Variants in METTL24 observed in about 807,000 individuals in gnomAD.
METTL24 encodes probable methyltransferase-like protein 24.
A neutral mutation model predicts 32.7 loss-of-function variants in METTL24; 29 were observed. The observed-to-expected ratio is 0.89, with a 90% CI of 0.66 to 1.21. METTL24 has a LOEUF of 1.21. METTL24 is among the 50% of genes most tolerant of loss of function. METTL24 has a pLI of 0.00. For synonymous variants in METTL24, 163 were observed against 179.5 expected (o/e 0.91, Z 0.73); for missense variants, 439 against 468.1 (o/e 0.94, Z 0.57).
At chr6:110,265,128 G>A (rs1037495541) in intron 4 of METTL24, among the ~76,000 whole-genome samples, 5 of 117,764 alleles carry the variant, frequency 4.2e-5, no homozygotes, top group African/African-American at 1.6e-4. Context: ...TAATAAAAAA[G>A]GAAAGAAAGA....
chr6:110,358,009 C>T lies in METTL24; in HGVS notation c.264G>A (p.Gly88=). ...AGCAGCCAGGCTCCGGCGTCCCGCTCCCGCCGCCCCCCGGCGGCGCCCGGC... is the reference window on the plus strand; with the variant it reads ...AGCAGCCAGGCTCCGGCGTCCCGCTTCCGCCGCCCCCCGGCGGCGCCCGGC... ...SGRRAPPGGG[G]SGTPEPGCCA... The change falls in exon 1 of 5, where the codon GGG becomes GGA. Residue 88 remains glycine (G), a synonymous_variant. Transcript: ENST00000338882. The T allele has an allele frequency of 8.7e-7, 1 of 1,154,562 alleles. No homozygotes were observed. Among genetic ancestry groups the T allele is most frequent in the Non-Finnish European group, 1.1e-6 (1 of 938,734 alleles). 71.5% of individuals were successfully genotyped at this position (1,154,562 alleles called of 1,614,324 possible).
At chr6:110,338,573 G>A (rs6568640) in intron 1 of METTL24, among the ~76,000 whole-genome samples, 118,690 of 152,158 alleles carry the variant, frequency 0.78, 46,429 homozygotes, top group African/African-American at 0.8. Flanking sequence ...TCAAATTAAA[G>A]TTAAAACCAG....
At chr6:110,250,339 C>G (rs1778255283) in intron 4 of METTL24, among the ~76,000 whole-genome samples, 1 of 151,888 alleles carries the variant, frequency 6.6e-6, no homozygotes, top group Admixed American at 6.6e-5. Flanking sequence ...TGATCTCTGC[C>G]TTCATCTTCA....
chr6:110,266,819 A>G (rs1179788096), intron 4 of METTL24, among the ~76,000 whole-genome samples: 1 of 152,220 alleles, frequency 6.6e-6, no homozygotes, highest in African/African-American at 2.4e-5. Context: ...GAAAGCATAG[A>G]TTATTTTTCT....
intron 4 of METTL24, among the ~76,000 whole-genome samples, chr6:110,282,824 T>G (rs535365530): frequency 6.6e-6 from 1 of 152,166 alleles, no homozygotes; most frequent in Non-Finnish European, 1.5e-5. Flanking sequence ...GCTGTGATAT[T>G]TTTTTGTGGC....
rs895359013 is a variant in METTL24 at position 110,245,351 on chromosome 6, A to G, written c.*595T>C. 2.8e-4 allele frequency among the ~76,000 whole-genome samples: 42 copies of G among 152,178 alleles called. 1 individual carries two copies. The highest frequency in any genetic ancestry group is 9.4e-4 in the African/African-American group (39 of 41,434). On this transcript the variant is annotated 3_prime_UTR_variant, in exon 5 of 5. Coordinates refer to ENST00000338882, the MANE Select transcript of METTL24 (RefSeq NM_001123364.3). The stretch of plus-strand genomic sequence containing the variant: ...TTACACCTTCGTGTTGAAGCTCTTG[A>G]TAGTCTAGTCTCTTTAACTCAGTGA...
At chr6:110,305,074 A>T (rs148785472) in intron 3 of METTL24, among the ~76,000 whole-genome samples, 1 of 152,190 alleles carries the variant, frequency 6.6e-6, no homozygotes, top group Non-Finnish European at 1.5e-5. Context: ...TCATAAGTGA[A>T]GGAGAATAAA....
chr6:110,358,040 C>T lies in METTL24; in HGVS notation c.233G>A (p.Ser78Asn), dbSNP rs992299901. Reference protein sequence around the residue: ...ASRRQVTYVRSGRRAPPGGGG... With the variant: ...ASRRQVTYVRNGRRAPPGGGG... The stretch of plus-strand genomic sequence containing the variant: ...GCCCCCCGGCGGCGCCCGGCGACCG[C>T]TGCGCACGTAGGTCACCTGCCTCCT... The change falls in exon 1 of 5, where the codon AGC (serine) becomes AAC (asparagine). Residue 78 changes from serine to asparagine, a missense_variant. Physicochemically the swap from Ser to Asn is conservative, Grantham distance 46. Coordinates refer to ENST00000338882, the MANE Select transcript of METTL24 (RefSeq NM_001123364.3). 1.2e-4 allele frequency: 130 copies of T among 1,114,060 alleles called. 1 individual carries two copies. Among genetic ancestry groups the T allele is most frequent in the Non-Finnish European group, 1.3e-4 (117 of 914,044 alleles). 69.0% of individuals were successfully genotyped at this position (1,114,060 alleles called of 1,614,324 possible). A position where few individuals can be genotyped will look rare whatever the true frequency, so the allele number is the denominator to read the frequency against.
chr6:110,246,254 C>T lies in METTL24; in HGVS notation c.793G>A (p.Val265Ile), dbSNP rs899696732. ...GCACTTTCCAGATCTGCCTTGAGAACGTCAATCTGTAACAAAGCAATGAAA... is the reference window on the plus strand; with the variant it reads ...GCACTTTCCAGATCTGCCTTGAGAATGTCAATCTGTAACAAAGCAATGAAA... Reference protein sequence around the residue: ...LNEFGHHKIDVLKADLESAEW... With the variant: ...LNEFGHHKIDILKADLESAEW... The change falls in exon 5 of 5, where the codon GTT (valine) becomes ATT (isoleucine). Residue 265 changes from valine to isoleucine, a missense_variant. By Grantham distance (29) the Val-to-Ile change is conservative. Transcript: ENST00000338882. 1.2e-5 allele frequency: 20 copies of T among 1,603,102 alleles called. No individual in the cohort carries two copies. The highest frequency in any genetic ancestry group is 8.0e-5 in the African/African-American group (6 of 74,578).
chr6:110,281,094 A>G (rs1436189332), intron 4 of METTL24, among the ~76,000 whole-genome samples: 1 of 152,212 alleles, frequency 6.6e-6, no homozygotes, highest in Non-Finnish European at 1.5e-5. Flanking sequence ...AAAATATTAA[A>G]TGGTTTAGAG....
intron 1 of METTL24, among the ~76,000 whole-genome samples, chr6:110,346,504 C>CT (rs3068847): frequency 0.27 from 35,638 of 133,570 alleles, 5,242 homozygotes; most frequent in South Asian, 0.32. Flanking sequence ...CTCTCTCTCT[C>CT]TTTTTTTTTT....
chr6:110,311,465 TTTG>T lies in METTL24; in HGVS notation c.557+3874_557+3876del, dbSNP rs1489872267. ...ATTTTCTTTTCTTTTCTTTTCTTTC[TTTG>T]TTTTTTTTTTTTTTTTTTTTTTTGA... is the stretch of plus-strand genomic sequence containing the variant. On this transcript the variant is annotated intron_variant, in intron 3 of 4. Coordinates refer to ENST00000338882, the MANE Select transcript of METTL24 (RefSeq NM_001123364.3). 6.7e-4 allele frequency among the ~76,000 whole-genome samples: 94 copies of T among 140,702 alleles called. 1 individual carries two copies. The highest frequency in any genetic ancestry group is 2.4e-3 in the African/African-American group (83 of 34,136). 92.3% of individuals were successfully genotyped at this position (140,702 alleles called of 152,430 possible).
At chr6:110,289,584 T>C (rs1252483037) in intron 4 of METTL24, among the ~76,000 whole-genome samples, 1 of 151,920 alleles carries the variant, frequency 6.6e-6, no homozygotes, top group Non-Finnish European at 1.5e-5. Context: ...GAATTTACCC[T>C]AACATAGGTC....
intron 1 of METTL24, among the ~76,000 whole-genome samples, chr6:110,331,710 A>G (rs1461338528): frequency 6.6e-6 from 1 of 151,858 alleles, no homozygotes; most frequent in Non-Finnish European, 1.5e-5. Flanking sequence ...AGACCCCCCA[A>G]ATATGATGGA....
At chr6:110,329,395 A>G (rs1772073073) in intron 1 of METTL24, among the ~76,000 whole-genome samples, 1 of 152,122 alleles carries the variant, frequency 6.6e-6, no homozygotes, top group African/African-American at 2.4e-5. Flanking sequence ...AAAACAAGTA[A>G]AATAGATTTA....
chr6:110,306,882 A>G (rs1464311672), intron 3 of METTL24, among the ~76,000 whole-genome samples: 1 of 152,200 alleles, frequency 6.6e-6, no homozygotes, highest in African/African-American at 2.4e-5. Context: ...GCTGATGAGC[A>G]CAGGACACAG....
intron 1 of METTL24, among the ~76,000 whole-genome samples, chr6:110,345,857 T>C (rs1332513544): frequency 6.6e-6 from 1 of 152,162 alleles, no homozygotes; most frequent in East Asian, 1.9e-4. Flanking sequence ...GTTGTCAAAA[T>C]AATCTGTACA....
At chr6:110,333,449 TTATTA>T (rs1463000397) in intron 1 of METTL24, among the ~76,000 whole-genome samples, 1 of 152,108 alleles carries the variant, frequency 6.6e-6, no homozygotes, top group Non-Finnish European at 1.5e-5. Flanking sequence ...GATTTTTATT[TTATTA>T]TATTATTATT....
chr6:110,293,045 A>G (rs1294484045), intron 4 of METTL24, among the ~76,000 whole-genome samples: 1 of 151,810 alleles, frequency 6.6e-6, no homozygotes, highest in Non-Finnish European at 1.5e-5. Flanking sequence ...CACCTTTATT[A>G]CTCCTTTATC....
Sources: allele counts gnomAD v4.1 joint callset (sites outside exome capture counted in the v4.1 genomes callset), GRCh38; gene constraint gnomAD v4.1.1; transcripts MANE v1.5; gene names NCBI Gene and HGNC (gene_info 2026-07-23, HGNC 2026-07-21).